Variants in SUMF1 observed in about 807,000 individuals in gnomAD.
SUMF1 encodes the protein sulfatase modifying factor 1.
SUMF1 carries 48 observed loss-of-function variants against 47.6 expected under a neutral mutation model. The observed-to-expected ratio is 1.01, with a 90% CI of 0.80 to 1.28. The LOEUF (loss-of-function observed/expected upper bound fraction) is 1.28. SUMF1 is among the 50% of genes most tolerant of loss of function. The pLI is 0.00. For synonymous variants in SUMF1, 230 were observed against 192.1 expected, an observed-to-expected ratio of 1.20 and a Z score of -1.63; for missense variants, 571 against 485.4, an observed-to-expected ratio of 1.18 and a Z score of -1.66.
chr3:4,104,136 C>A (rs1455115781), intron 8 of SUMF1, among the ~76,000 whole-genome samples: 2 of 152,040 alleles, frequency 1.3e-5, no homozygotes, highest in Admixed American at 6.6e-5. Context: ...GTGGCAGGGA[C>A]CTAGTGGCAG....
Position 4,439,730 on chromosome 3 carries a change from A to T in SUMF1, c.519+9536T>A, listed in dbSNP as rs535066527. Among the ~76,000 whole-genome samples, 91 of 149,578 alleles carry T rather than the reference A, an allele frequency of 6.1e-4. 1 individual carries two copies. In the South Asian group the frequency reaches 0.014, roughly 23 times the overall value. ...AATTTCTTTTTATTTTTTAATTTTTATTTTTTTTTTAATATTAGAGATGAG... is the reference window on the plus strand; with the variant it reads ...AATTTCTTTTTATTTTTTAATTTTTTTTTTTTTTTTAATATTAGAGATGAG... On this transcript the variant is annotated intron_variant, in intron 3 of 8. Coordinates refer to ENST00000272902, the MANE Select transcript of SUMF1 (RefSeq NM_182760.4).
intron 8 of SUMF1, among the ~76,000 whole-genome samples, chr3:4,087,297 G>A (rs1412798243): frequency 6.6e-6 from 1 of 152,128 alleles, no homozygotes; most frequent in African/African-American, 2.4e-5. Context: ...TATAATACCA[G>A]ACATCTACTG....
rs11129877 is a variant in SUMF1, at chr3:4,054,374, A to C, written c.1191+14195T>G. Among the ~76,000 whole-genome samples, 508 of 152,332 alleles carry C rather than the reference A, an allele frequency of 3.3e-3. 3 individuals carry two copies. The highest frequency in any genetic ancestry group is 0.012 in the African/African-American group (492 of 41,580). On this transcript the variant is annotated intron_variant and NMD_transcript_variant, in intron 9 of 12. Coordinates refer to the SUMF1 transcript ENST00000448413. ...GGTCTAGAAATTATCAAAGGAAAAG[A>C]AAATTAAAAATAAAAATGAAAACCT...
chr3:4,226,883 C>CT (rs1696186184), intron 8 of SUMF1, among the ~76,000 whole-genome samples: 2 of 151,734 alleles, frequency 1.3e-5, no homozygotes, highest in South Asian at 2.1e-4. Flanking sequence ...TCACTTCTCC[C>CT]GTCCCCTACT....
intron 9 of SUMF1, among the ~76,000 whole-genome samples, chr3:4,047,056 G>A (rs1695020338): frequency 6.6e-6 from 1 of 151,986 alleles, no homozygotes; most frequent in Admixed American, 6.6e-5. Flanking sequence ...TCTGCCTTAT[G>A]AACTTTGAAC....
intron 8 of SUMF1, among the ~76,000 whole-genome samples, chr3:4,269,618 G>A (rs909206369): frequency 2.6e-5 from 4 of 152,080 alleles, no homozygotes; most frequent in Non-Finnish European, 5.9e-5. Context: ...CCAGAAGCGG[G>A]GGAAAGAAAG....
chr3:4,155,478 G>A (rs184078241), intron 8 of SUMF1, among the ~76,000 whole-genome samples: 1 of 151,592 alleles, frequency 6.6e-6, no homozygotes, highest in Non-Finnish European at 1.5e-5. Flanking sequence ...GCAAAAGGAA[G>A]GAGATAAGGG....
intron 8 of SUMF1, among the ~76,000 whole-genome samples, chr3:4,258,610 AC>A (rs753831534): frequency 1.1e-4 from 16 of 152,118 alleles, no homozygotes; most frequent in Admixed American, 2.0e-4. Flanking sequence ...AAATCAGGAA[AC>A]AACAGGTGCT....
chr3:4,107,985 G>A (rs1020357050), intron 8 of SUMF1, among the ~76,000 whole-genome samples: 14 of 151,926 alleles, frequency 9.2e-5, no homozygotes, highest in Non-Finnish European at 1.9e-4. Context: ...GGAAAGAGAT[G>A]GAAACTAGAA....
At chr3:4,076,954 A>C (rs1369394106) in intron 8 of SUMF1, among the ~76,000 whole-genome samples, 1 of 152,104 alleles carries the variant, frequency 6.6e-6, no homozygotes, top group Admixed American at 6.5e-5. Flanking sequence ...CAGTGAGCCG[A>C]GATCGTGCCA....
At chr3:4,121,728 A>G (rs1483281117) in intron 8 of SUMF1, among the ~76,000 whole-genome samples, 5 of 151,980 alleles carry the variant, frequency 3.3e-5, no homozygotes, top group Non-Finnish European at 7.4e-5. Flanking sequence ...TTTTTTATTT[A>G]ACTTTTAAGT....
At chr3:4,387,505 G>A (rs920278354) in intron 7 of SUMF1, among the ~76,000 whole-genome samples, 3 of 151,784 alleles carry the variant, frequency 2.0e-5, no homozygotes, top group African/African-American at 7.2e-5. Flanking sequence ...ACTTGCTAGA[G>A]GTTTGTCAAT....
At chr3:4,086,353 A>G (rs576546974) in intron 8 of SUMF1, among the ~76,000 whole-genome samples, 1 of 152,098 alleles carries the variant, frequency 6.6e-6, no homozygotes, top group East Asian at 1.9e-4. Flanking sequence ...GCCCTTGGAA[A>G]GTCACTTCAC....
intron 8 of SUMF1, among the ~76,000 whole-genome samples, chr3:4,150,300 A>G (rs1260807055): frequency 2.0e-5 from 3 of 151,574 alleles, no homozygotes; most frequent in Non-Finnish European, 2.9e-5. Flanking sequence ...AGTGGCTCAC[A>G]TCTATAATCC....
At chr3:4,262,467 AC>A (rs1697107820) in intron 8 of SUMF1, among the ~76,000 whole-genome samples, 1 of 152,094 alleles carries the variant, frequency 6.6e-6, no homozygotes, top group Non-Finnish European at 1.5e-5. Context: ...GATAGACAAA[AC>A]CAAAAAATCC....
chr3:4,438,767 A>G (rs1702483190), intron 3 of SUMF1, among the ~76,000 whole-genome samples: 1 of 152,214 alleles, frequency 6.6e-6, no homozygotes, highest in Non-Finnish European at 1.5e-5. Context: ...AAAATTAGTA[A>G]GGATATAGAA....
chr3:4,167,532 A>G (rs2125120291), intron 8 of SUMF1, among the ~76,000 whole-genome samples: 1 of 152,250 alleles, frequency 6.6e-6, no homozygotes, highest in Non-Finnish European at 1.5e-5. Context: ...CAGAGCACTG[A>G]TAGGTGTGTT....
intron 8 of SUMF1, among the ~76,000 whole-genome samples, chr3:4,352,917 T>A (rs1699534827): frequency 6.6e-6 from 1 of 152,108 alleles, no homozygotes; most frequent in South Asian, 2.1e-4. Context: ...TTTTTGACCG[T>A]CCTTAGAAGA....
At chr3:4,375,948 T>C (rs1700313605) in intron 8 of SUMF1, among the ~76,000 whole-genome samples, 1 of 152,192 alleles carries the variant, frequency 6.6e-6, no homozygotes. Flanking sequence ...TACATAACTC[T>C]CACCTGAATC....
Sources: allele counts gnomAD v4.1 joint callset (sites outside exome capture counted in the v4.1 genomes callset), GRCh38; gene constraint gnomAD v4.1.1; transcripts MANE v1.5; gene names NCBI Gene and HGNC (gene_info 2026-07-23, HGNC 2026-07-21).